C11orf21: variants seen among roughly 807,000 people sequenced by gnomAD.
C11orf21 encodes the protein chromosome 11 open reading frame 21.
A neutral mutation model predicts 15.2 loss-of-function variants in C11orf21; 19 were observed. The ratio of observed to expected loss-of-function variants is 1.25; its 90% confidence interval spans 0.87 to 1.84. C11orf21 has a LOEUF of 1.84. C11orf21 is among the 40% of genes most tolerant of loss of function. The pLI, the probability that C11orf21 is intolerant of heterozygous loss-of-function variation, is 0.00. For missense variants in C11orf21, 171 were observed against 174.4 expected (o/e 0.98, Z 0.11); for synonymous variants, 62 against 66.8 (o/e 0.93, Z 0.35).
chr11:2,295,902 A>G lies in C11orf21; in HGVS notation c.*2048T>C, dbSNP rs888714997. 1 of 152,180 alleles carries G rather than the reference A, an allele frequency of 6.6e-6. No individual in the cohort carries two copies. Among genetic ancestry groups the G allele is most frequent in the Non-Finnish European group, 1.5e-5 (1 of 68,034 alleles). 9.4% of individuals were successfully genotyped at this position (152,180 alleles called of 1,614,324 possible). A position where few individuals can be genotyped will look rare whatever the true frequency, so the allele number is the denominator to read the frequency against. ...AACATGAAACTGCTCTAAAAAATAA[A>G]ATCTATATTAAAAATTAAAGCTTTC... On this transcript the variant is annotated 3_prime_UTR_variant, in exon 4 of 4. Transcript: ENST00000381153. This position sits in a 1 kb window ranked among gnomAD's most constrained non-coding sequence, Gnocchi z 5.4.
At chr11:2,299,764 A>G (rs1416644257) in intron 2 of C11orf21, 57 bp from the exon 3 acceptor site, 13 of 1,542,412 alleles carry the variant, frequency 8.4e-6, no homozygotes, top group African/African-American at 1.4e-5. Flanking sequence ...AGGAATTCAC[A>G]GGAAGGAGAG....
At chr11:2,301,730 G>A (rs1164827345) in intron 1 of C11orf21, 26 bp downstream of exon 1, 3 of 1,535,130 alleles carry the variant, frequency 2.0e-6, no homozygotes, top group Non-Finnish European at 8.8e-7. Context: ...GTCCACACTT[G>A]CTCACTCCCA....
intron 1 of C11orf21, 57 bp from the exon 2 acceptor site, chr11:2,300,670 G>A (rs1484144757): frequency 4.1e-5 from 64 of 1,549,836 alleles, no homozygotes; most frequent in Non-Finnish European, 5.0e-5. Flanking sequence ...GCCCTGCTCC[G>A]AAATTCTTCA....
At chr11:2,299,348 G>T in intron 3 of C11orf21, 80 bp downstream of exon 3, 1 of 1,427,630 alleles carries the variant, frequency 7.0e-7, no homozygotes, top group Non-Finnish European at 9.3e-7. Context: ...AAGCTCTTGA[G>T]TGCCTCCCCG....
chr11:2,300,760 G>A lies in C11orf21; in HGVS notation c.54-147C>T, dbSNP rs750442831. The A allele has an allele frequency of 8.4e-5, 131 of 1,550,666 alleles. No homozygotes were observed. Among genetic ancestry groups the A allele is most frequent in the Non-Finnish European group, 1.1e-4 (123 of 1,146,916 alleles). On this transcript the variant is annotated intron_variant, in intron 1 of 3. Coordinates refer to ENST00000381153, the MANE Select transcript of C11orf21 (RefSeq NM_001329958.2). ...GCTCCAGGGAGGTCAAGGTTGGAGA[G>A]AGACAATTCTAGGGGCGAACCAGAC...
Position 2,300,515 on chromosome 11 carries a change from C to A in C11orf21, c.147+5G>T, listed in dbSNP as rs550354507. ...GGGGCACAGTGAGGGGGGCTGTGGT[C>A]AGACCTGGTCTCTGGAGGGCCAGCC... On this transcript the variant is annotated splice_donor_5th_base_variant and intron_variant, in intron 2 of 3. Transcript: ENST00000381153. The A allele has an allele frequency of 3.2e-5, 50 of 1,542,150 alleles. No homozygotes were observed. In the East Asian group the frequency reaches 1.0e-3, roughly 31 times the overall value.
At chr11:2,300,839 G>A in intron 1 of C11orf21, 1 of 1,427,226 alleles carries the variant, frequency 7.0e-7, no homozygotes, top group Admixed American at 2.0e-5. Flanking sequence ...CACTTGCACA[G>A]CCCGGGGGCC....
rs1165914256 is a variant in C11orf21 at position 2,295,648 on chromosome 11, T to C, written c.*2302A>G. 6.6e-6 allele frequency: 1 copy of C among 152,146 alleles called. No homozygotes were observed. The highest frequency in any genetic ancestry group is 2.4e-5 in the African/African-American group (1 of 41,398). 9.4% of individuals were successfully genotyped at this position (152,146 alleles called of 1,614,324 possible). On this transcript the variant is annotated 3_prime_UTR_variant, in exon 4 of 4. Coordinates refer to ENST00000381153, the MANE Select transcript of C11orf21 (RefSeq NM_001329958.2). The surrounding 1 kb of genome is among the most constrained non-coding windows in gnomAD (Gnocchi z 5.4). ...ACGGATTTTAGGGCAGTAAAATAAT[T>C]CTGTGTGACACTGTAATAGTGGAGA... is the stretch of plus-strand genomic sequence containing the variant.
At chr11:2,300,190 T>G (rs1589785404) in intron 2 of C11orf21, among the ~76,000 whole-genome samples, 1 of 24,574 alleles carries the variant, frequency 4.1e-5, no homozygotes, top group Non-Finnish European at 7.0e-5. Flanking sequence ...TGTGTGAGGT[T>G]GGGCAGGGGC....
At position 2,297,787 on chromosome 11, in the gene C11orf21, A is replaced by G. The variant is rs1453313194; in HGVS notation, c.*163T>C. ...GAAGCACTGCAGGCTGGGCATGTAA[A>G]CAGCAGGTGCTTATTTCTTGCAGTT... On this transcript the variant is annotated 3_prime_UTR_variant, in exon 4 of 4. Transcript: ENST00000381153. 1.3e-5 allele frequency: 2 copies of G among 152,192 alleles called. No homozygotes were observed. Among genetic ancestry groups the G allele is most frequent in the Non-Finnish European group, 2.9e-5 (2 of 68,050 alleles). 9.4% of individuals were successfully genotyped at this position (152,192 alleles called of 1,614,324 possible). A position where few individuals can be genotyped will look rare whatever the true frequency, so the allele number is the denominator to read the frequency against.
Position 2,300,616 on chromosome 11 carries a change from G to T in C11orf21, c.54-3C>A. On this transcript the variant is annotated splice_region_variant and splice_polypyrimidine_tract_variant and intron_variant, in intron 1 of 3. Coordinates refer to ENST00000381153, the MANE Select transcript of C11orf21 (RefSeq NM_001329958.2). ...AGTGAGGCCACCTGGGCACAGCGCTGGTGTGAGAAGGAGGCCATCAGGACA... is the reference window on the plus strand; with the variant it reads ...AGTGAGGCCACCTGGGCACAGCGCTTGTGTGAGAAGGAGGCCATCAGGACA... 1 of 1,550,644 alleles carries T rather than the reference G, an allele frequency of 6.4e-7. No homozygotes were observed. The highest frequency in any genetic ancestry group is 8.7e-7 in the Non-Finnish European group (1 of 1,146,850).
At chr11:2,302,679 G>A, upstream of C11orf21, 2 of 623,184 alleles carry the variant, frequency 3.2e-6, no homozygotes, top group East Asian at 2.8e-5. Flanking sequence ...CTGCAGTGAA[G>A]GCCTCCTGAG....
intron 1 of C11orf21, chr11:2,301,014 GC>G: frequency 1.9e-6 from 1 of 537,092 alleles, no homozygotes. Context: ...ATTCCTGGGG[GC>G]CAGAGCTGCA....
At chr11:2,301,679 C>A (rs1847754954) in intron 1 of C11orf21, 77 bp downstream of exon 1, 5 of 1,183,750 alleles carry the variant, frequency 4.2e-6, no homozygotes. Context: ...TCCAAGGAGA[C>A]CCCATCCAAA....
intron 2 of C11orf21, 85 bp downstream of exon 2, chr11:2,300,434 AG>A: frequency 1.3e-6 from 1 of 792,240 alleles, no homozygotes; most frequent in Non-Finnish European, 2.0e-6. Context: ...TTGGGGTGGG[AG>A]GGTGTGGCTC....
At chr11:2,298,657 G>A (rs1847590238) in intron 3 of C11orf21, among the ~76,000 whole-genome samples, 1 of 152,180 alleles carries the variant, frequency 6.6e-6, no homozygotes, top group South Asian at 2.1e-4. Flanking sequence ...CCGAGTCTCA[G>A]CCCAGGCTGG....
At chr11:2,300,392 T>C (rs1589786321) in intron 2 of C11orf21, 128 bp downstream of exon 2, 3 of 667,154 alleles carry the variant, frequency 4.5e-6, no homozygotes, top group Non-Finnish European at 7.6e-6. Flanking sequence ...TGGCTTCCCC[T>C]CAACAAGCCA....
At chr11:2,301,128 A>C (rs970838374) in intron 1 of C11orf21, 1 of 311,140 alleles carries the variant, frequency 3.2e-6, no homozygotes, top group Non-Finnish European at 6.1e-6. Flanking sequence ...TGGCCTCAGC[A>C]GTTCCTCCAG....
At chr11:2,302,805 A>T (rs774502605), upstream of C11orf21, 1 of 1,564,828 alleles carries the variant, frequency 6.4e-7, no homozygotes, top group Admixed American at 1.7e-5. Context: ...CTCCTGCAGC[A>T]GTCCCATGCC....
Sources: gnomAD v4.1 joint callset for allele counts (sites outside exome capture counted in the v4.1 genomes callset) on GRCh38, gnomAD v4.1.1 for gene constraint, Gnocchi (gnomAD v3.1) non-coding constraint, MANE v1.5 for transcripts, NCBI Gene and HGNC (gene_info 2026-07-23, HGNC 2026-07-21) for gene names.